STK3: variants seen among roughly 807,000 people sequenced by gnomAD.
STK3 encodes serine/threonine-protein kinase 3.
In STK3, 41 loss-of-function variants were observed where a neutral mutation model predicts 58.0. The observed-to-expected ratio is 0.71, with a 90% CI of 0.55 to 0.92. STK3 has a LOEUF of 0.92. STK3 is among the 40% of genes least tolerant of loss of function. The pLI, the probability that STK3 is intolerant of heterozygous loss-of-function variation, is 0.00. For synonymous variants in STK3, 170 were observed against 191.0 expected, an observed-to-expected ratio of 0.89 and a Z score of 0.91; for missense variants, 479 against 602.7, an observed-to-expected ratio of 0.79 and a Z score of 2.15.
intron 9 of STK3, among the ~76,000 whole-genome samples, chr8:98,537,202 G>C (rs1809836839): frequency 6.6e-6 from 1 of 152,086 alleles, no homozygotes; most frequent in Admixed American, 6.6e-5. Flanking sequence ...TAATGTATGT[G>C]CTTATACTTC....
chr8:98,839,997 C>T (rs1470655710), intron 3 of STK3, among the ~76,000 whole-genome samples: 1 of 151,962 alleles, frequency 6.6e-6, no homozygotes, highest in Non-Finnish European at 1.5e-5. Context: ...GTCTGAACAC[C>T]ACAGATTTAT....
intron 3 of STK3, among the ~76,000 whole-genome samples, chr8:98,877,297 C>T (rs193289266): frequency 6.6e-6 from 1 of 152,090 alleles, no homozygotes; most frequent in Non-Finnish European, 1.5e-5. Flanking sequence ...AGTCTGACAT[C>T]CTCCATATTG....
rs529754241 is a variant in STK3, at chr8:98,718,609, A to G, written c.352-11298T>C. On this transcript the variant is annotated intron_variant, in intron 4 of 10. Transcript: ENST00000419617. The stretch of plus-strand genomic sequence containing the variant: ...ATGCTATAAATGTAAAATATACACC[A>G]AAGATCAAGGCTTAGTACAAAAAGA... Among the ~76,000 whole-genome samples the G allele has an allele frequency of 6.6e-5, 10 of 152,328 alleles. No individual in the cohort carries two copies. The South Asian group carries it at 1.9e-3, about 28-fold the overall frequency.
At chr8:98,606,174 C>G (rs1816760089) in intron 6 of STK3, 1 of 152,146 alleles carries the variant, frequency 6.6e-6, no homozygotes, top group Non-Finnish European at 1.5e-5. Flanking sequence ...CATAAATGGG[C>G]AGTATCAGGC....
upstream of STK3, among the ~76,000 whole-genome samples, chr8:98,829,923 G>A (rs2131778728): frequency 6.6e-6 from 1 of 152,262 alleles, no homozygotes; most frequent in South Asian, 2.1e-4. Flanking sequence ...TGGAAAAAGG[G>A]AATATAAAGT....
intron 4 of STK3, among the ~76,000 whole-genome samples, chr8:98,748,484 G>T (rs1422791211): frequency 1.3e-5 from 2 of 151,994 alleles, no homozygotes; most frequent in East Asian, 1.9e-4. Context: ...ACTTTAAAAT[G>T]ATTCTGGTTA....
At chr8:98,810,802 G>C (rs185785125) in intron 1 of STK3, among the ~76,000 whole-genome samples, 1 of 152,232 alleles carries the variant, frequency 6.6e-6, no homozygotes, top group Non-Finnish European at 1.5e-5. Flanking sequence ...GGGTCATGGG[G>C]GAGGATCCTT....
At chr8:98,517,501 G>A (rs1367121279) in intron 10 of STK3, among the ~76,000 whole-genome samples, 1 of 152,000 alleles carries the variant, frequency 6.6e-6, no homozygotes, top group Non-Finnish European at 1.5e-5. Context: ...ACTTCTAACT[G>A]TGGAAGATAG....
In STK3 at chr8:98,627,529, A is replaced by G. The variant is rs547996893; in HGVS notation, c.685-31360T>C. ...AAAAAAAAAAGGTCTGGTTATTTAA[A>G]AGAGCCTGAGACTCCTCCCCTTTCT... On this transcript the variant is annotated intron_variant, in intron 6 of 10. Transcript: ENST00000419617. Among the ~76,000 whole-genome samples the G allele has an allele frequency of 5.9e-5, 9 of 151,932 alleles. No individual in the cohort carries two copies. The South Asian group carries it at 1.9e-3, about 32-fold the overall frequency.
intron 3 of STK3, among the ~76,000 whole-genome samples, chr8:98,865,559 T>C (rs776243369): frequency 2.6e-5 from 4 of 152,098 alleles, no homozygotes; most frequent in Non-Finnish European, 5.9e-5. Context: ...TTAGAGATGG[T>C]GTCTCACTGT....
At chr8:98,388,731 A>C (rs896326228), upstream of STK3, among the ~76,000 whole-genome samples, 24 of 152,244 alleles carry the variant, frequency 1.6e-4, no homozygotes, top group African/African-American at 5.8e-4. Flanking sequence ...CCTTGTTTGG[A>C]TCTTGAGTCA....
At chr8:98,510,936 G>A (rs1160153874) in intron 10 of STK3, among the ~76,000 whole-genome samples, 1 of 152,014 alleles carries the variant, frequency 6.6e-6, no homozygotes, top group Non-Finnish European at 1.5e-5. Context: ...AAGGCACATA[G>A]AAGTCACTGA....
At chr8:98,400,238 A>G (rs1181195708), downstream of STK3, among the ~76,000 whole-genome samples, 1 of 152,224 alleles carries the variant, frequency 6.6e-6, no homozygotes, top group African/African-American at 2.4e-5. Flanking sequence ...TGGTTACTGA[A>G]GTCCAAGTCC....
upstream of STK3, among the ~76,000 whole-genome samples, chr8:98,391,923 C>G (rs1050838817): frequency 6.6e-6 from 1 of 152,172 alleles, no homozygotes; most frequent in East Asian, 1.9e-4. Context: ...TTTTATGAAA[C>G]TGATAGTTCC....
chr8:98,671,701 C>T (rs1055685527), intron 6 of STK3, among the ~76,000 whole-genome samples: 9 of 152,112 alleles, frequency 5.9e-5, no homozygotes, highest in Admixed American at 2.0e-4. Context: ...CCCACCTCAG[C>T]TTCCAGAGTA....
At chr8:98,454,465 G>C (rs531144031), downstream of STK3, among the ~76,000 whole-genome samples, 166 of 152,266 alleles carry the variant, frequency 1.1e-3, 1 homozygote, top group Non-Finnish European at 5.7e-4. Flanking sequence ...TGCCAAACTG[G>C]GGTGGGCCTG....
At chr8:98,603,725 G>A (rs1261739241) in intron 6 of STK3, among the ~76,000 whole-genome samples, 1 of 151,998 alleles carries the variant, frequency 6.6e-6, no homozygotes, top group Non-Finnish European at 1.5e-5. Context: ...ATGTTGAAAT[G>A]TGGTCCTCAA....
At chr8:98,568,454 C>T (rs1269711846) in intron 8 of STK3, among the ~76,000 whole-genome samples, 1 of 152,194 alleles carries the variant, frequency 6.6e-6, no homozygotes, top group East Asian at 1.9e-4. Context: ...CATGTGAATT[C>T]AGAGTAGTGA....
chr8:98,372,285 A>G (rs1169885842), intron 2 of STK3, among the ~76,000 whole-genome samples: 3 of 152,188 alleles, frequency 2.0e-5, no homozygotes, highest in African/African-American at 7.2e-5. Context: ...CTCAGTTTGC[A>G]GTACTTTGTT....
Sources: allele counts gnomAD v4.1 joint callset (sites outside exome capture counted in the v4.1 genomes callset), GRCh38; gene constraint gnomAD v4.1.1; transcripts MANE v1.5; gene names NCBI Gene and HGNC (gene_info 2026-07-23, HGNC 2026-07-21).